TMEM74: variants seen among roughly 807,000 people sequenced by gnomAD.
The protein encoded by TMEM74 is transmembrane protein 74.
In TMEM74, 13 loss-of-function variants were observed where a neutral mutation model predicts 18.1. The ratio of observed to expected loss-of-function variants is 0.72; its 90% CI spans 0.47 to 1.14. The LOEUF (loss-of-function observed/expected upper bound fraction) is 1.14. TMEM74 is among the 50% of genes most tolerant of loss of function. The pLI, the probability that TMEM74 is intolerant of heterozygous loss-of-function variation, is 0.00. For synonymous variants in TMEM74, 159 were observed against 146.6 expected (o/e 1.08, Z -0.61); for missense variants, 372 against 375.9 (o/e 0.99, Z 0.09).
intron 1 of TMEM74, among the ~76,000 whole-genome samples, chr8:108,710,751 C>T (rs1338120651): frequency 2.6e-5 from 4 of 152,144 alleles, no homozygotes; most frequent in African/African-American, 7.2e-5. Context: ...TATGAGCGAG[C>T]GGAGCTGTGT....
intron 2 of TMEM74, among the ~76,000 whole-genome samples, chr8:108,652,194 A>G (rs1361120220): frequency 1.3e-5 from 2 of 152,246 alleles, no homozygotes; most frequent in Middle Eastern, 3.2e-3. Flanking sequence ...TGGAAACATT[A>G]AAAGTATCCA....
chr8:108,623,127 T>C (rs958502235), intron 2 of TMEM74, among the ~76,000 whole-genome samples: 4 of 152,126 alleles, frequency 2.6e-5, no homozygotes, highest in African/African-American at 9.7e-5. Context: ...GGTCCTCTAC[T>C]CCTTGTTTAG....
At chr8:108,753,109 C>A (rs1395093462) in intron 1 of TMEM74, among the ~76,000 whole-genome samples, 1 of 152,040 alleles carries the variant, frequency 6.6e-6, no homozygotes, top group African/African-American at 2.4e-5. Flanking sequence ...TTTGATTCAT[C>A]TCTTAATTTG....
chr8:108,781,820 C>T lies in TMEM74; in HGVS notation c.*2361G>A, dbSNP rs1369050489. On this transcript the variant is annotated 3_prime_UTR_variant, in exon 2 of 2. Coordinates refer to ENST00000297459, the MANE Select transcript of TMEM74 (RefSeq NM_153015.3). Reference sequence around the variant, plus strand: ...AAAATGGCATTTTTCAAAATGTTACCTCTAGATCAAATCTATATTATTTGG... The same window carrying T: ...AAAATGGCATTTTTCAAAATGTTACTTCTAGATCAAATCTATATTATTTGG... Among the ~76,000 whole-genome samples, 1 of 152,036 alleles carries T rather than the reference C, an allele frequency of 6.6e-6. No homozygotes were observed. The highest frequency in any genetic ancestry group is 6.5e-5 in the Admixed American group (1 of 15,274).
intron 1 of TMEM74, among the ~76,000 whole-genome samples, chr8:108,657,009 C>T (rs1197588358): frequency 2.0e-5 from 3 of 151,968 alleles, no homozygotes; most frequent in Admixed American, 1.3e-4. Flanking sequence ...AACCTCTTTT[C>T]TTTGTGGTTT....
At position 108,620,397 on chromosome 8, in the gene TMEM74, T is replaced by C. The variant is rs1812427734; in HGVS notation, n.265-11571A>G. Among the ~76,000 whole-genome samples the C allele has an allele frequency of 2.6e-5, 4 of 152,216 alleles. 1 individual carries two copies. The South Asian group carries it at 8.3e-4, about 32-fold the overall frequency. ...AAAATTGCCCATGGCTATTTCTCCG[T>C]GGGGTGGAGGGTTGTAATGGGATAT... On this transcript the variant is annotated intron_variant and non_coding_transcript_variant, in intron 2 of 3. Coordinates refer to the TMEM74 transcript ENST00000518838.
chr8:108,615,933 C>A (rs573146429), intron 2 of TMEM74, among the ~76,000 whole-genome samples: 2 of 149,338 alleles, frequency 1.3e-5, no homozygotes, highest in African/African-American at 2.5e-5. Context: ...ACTACAGGCA[C>A]GTGCCACCAC....
In TMEM74 at chr8:108,718,399, T is replaced by C. The variant is rs574111606; in HGVS notation, n.120-62962A>G. Among the ~76,000 whole-genome samples, 5 of 152,302 alleles carry C rather than the reference T, an allele frequency of 3.3e-5. No homozygotes were observed. In the East Asian group the frequency reaches 7.7e-4, roughly 24 times the overall value. ...ATACTTTAAATAAATATATATACAT[T>C]GGAGTGTGCTCAGAGTTTTATTACC... On this transcript the variant is annotated intron_variant and non_coding_transcript_variant, in intron 1 of 3. Coordinates refer to the TMEM74 transcript ENST00000518838.
At chr8:108,666,702 A>G (rs1467807716) in intron 1 of TMEM74, among the ~76,000 whole-genome samples, 1 of 152,194 alleles carries the variant, frequency 6.6e-6, no homozygotes, top group Non-Finnish European at 1.5e-5. Flanking sequence ...TTTACAAGAC[A>G]TAATGTGGTC....
At chr8:108,716,391 A>G (rs1813523232) in intron 1 of TMEM74, among the ~76,000 whole-genome samples, 1 of 152,142 alleles carries the variant, frequency 6.6e-6, no homozygotes, top group Non-Finnish European at 1.5e-5. Flanking sequence ...CCTACAAAAG[A>G]GGTAACCTGT....
intron 1 of TMEM74, among the ~76,000 whole-genome samples, chr8:108,711,082 C>G (rs1298343930): frequency 6.6e-6 from 1 of 152,168 alleles, no homozygotes; most frequent in Admixed American, 6.5e-5. Flanking sequence ...ATCAACTATT[C>G]AAGGGCAAGG....
At position 108,781,784 on chromosome 8, in the gene TMEM74, A is replaced by AT. The variant is rs576775299; in HGVS notation, c.*2396dup. ...TAGGTCTTTTTCTCCCCCGTTGAAT[A>AT]TTTTTTTTCCAAAATGGCATTTTTC... is the stretch of plus-strand genomic sequence containing the variant. On this transcript the variant is annotated 3_prime_UTR_variant, in exon 2 of 2. Transcript: ENST00000297459. Among the ~76,000 whole-genome samples, 700 of 152,148 alleles carry AT rather than the reference A, an allele frequency of 4.6e-3. 3 individuals carry two copies. Among genetic ancestry groups the AT allele is most frequent in the Non-Finnish European group, 6.5e-3 (442 of 67,970 alleles).
intron 1 of TMEM74, among the ~76,000 whole-genome samples, chr8:108,696,112 CA>C (rs1239521657): frequency 6.6e-6 from 1 of 152,150 alleles, no homozygotes; most frequent in African/African-American, 2.4e-5. Context: ...GACAGTATCA[CA>C]AAAAGTCTTC....
intron 1 of TMEM74, among the ~76,000 whole-genome samples, chr8:108,760,930 C>A (rs1814036538): frequency 6.6e-6 from 1 of 151,782 alleles, no homozygotes; most frequent in Non-Finnish European, 1.5e-5. Flanking sequence ...CCTCTAATTG[C>A]AGTGTTCTCC....
At chr8:108,724,150 G>C (rs1402222204) in intron 1 of TMEM74, among the ~76,000 whole-genome samples, 1 of 152,048 alleles carries the variant, frequency 6.6e-6, no homozygotes, top group African/African-American at 2.4e-5. Context: ...CCTCCACTTA[G>C]GCTGGCAGAG....
At chr8:108,633,067 A>G (rs1812572663) in intron 2 of TMEM74, among the ~76,000 whole-genome samples, 1 of 151,994 alleles carries the variant, frequency 6.6e-6, no homozygotes, top group Non-Finnish European at 1.5e-5. Flanking sequence ...TCACACATTT[A>G]TGACTTGCAT....
At chr8:108,608,858 T>G (rs1428108251) in intron 2 of TMEM74, 1 of 152,214 alleles carries the variant, frequency 6.6e-6, no homozygotes, top group East Asian at 1.9e-4. Context: ...AACATGTGGA[T>G]TAAATTTCTC....
intron 1 of TMEM74, among the ~76,000 whole-genome samples, chr8:108,675,873 C>A (rs1033560021): frequency 6.6e-6 from 1 of 151,918 alleles, no homozygotes; most frequent in Admixed American, 6.6e-5. Context: ...TAGGCAGGAC[C>A]ATGTAATATT....
intron 1 of TMEM74, among the ~76,000 whole-genome samples, chr8:108,717,226 T>C (rs2130627877): frequency 6.6e-6 from 1 of 152,070 alleles, no homozygotes; most frequent in South Asian, 2.1e-4. Flanking sequence ...AAGGAGTTAC[T>C]CAAAAAAATC....
Sources: allele counts gnomAD v4.1 joint callset (sites outside exome capture counted in the v4.1 genomes callset), GRCh38; gene constraint gnomAD v4.1.1; transcripts MANE v1.5; gene names NCBI Gene and HGNC (gene_info 2026-07-23, HGNC 2026-07-21).